THSD7B: variants seen among roughly 807,000 people sequenced by gnomAD.
THSD7B encodes the protein thrombospondin type 1 domain containing 7B, also known as thrombospondin type-1 domain-containing protein 7B.
A neutral mutation model predicts 213.6 loss-of-function variants in THSD7B; 138 were observed. The ratio of observed to expected loss-of-function variants is 0.65; its 90% CI spans 0.56 to 0.74. THSD7B has a LOEUF of 0.74. Among genes scored for constraint, THSD7B ranks in the 30% least tolerant of loss-of-function variants. THSD7B has a pLI of 0.00. For synonymous variants in THSD7B, 742 were observed against 687.0 expected (o/e 1.08, Z -1.25); for missense variants, 1,931 against 1,991.5 (o/e 0.97, Z 0.58).
At chr2:136,872,828 A>AAG (rs1553454576) in intron 1 of THSD7B, among the ~76,000 whole-genome samples, 11 of 147,472 alleles carry the variant, frequency 7.5e-5, no homozygotes, top group Admixed American at 5.4e-4. Flanking sequence ...AAAAAAAAAA[A>AAG]AAAAAAAAAA....
chr2:137,536,019 G>A (rs1013191043), intron 15 of THSD7B, among the ~76,000 whole-genome samples: 9 of 150,730 alleles, frequency 6.0e-5, no homozygotes, highest in South Asian at 4.2e-4. Flanking sequence ...GGACCTAACC[G>A]GCCATGAGTA....
intron 3 of THSD7B, among the ~76,000 whole-genome samples, chr2:137,092,199 A>AC (rs1351753201): frequency 1.3e-5 from 2 of 152,000 alleles, no homozygotes; most frequent in Non-Finnish European, 2.9e-5. Context: ...GATTGCTTGA[A>AC]CCCAGGAGCT....
At chr2:137,535,812 C>T (rs1441924129) in intron 15 of THSD7B, among the ~76,000 whole-genome samples, 1 of 151,412 alleles carries the variant, frequency 6.6e-6, no homozygotes, top group Non-Finnish European at 1.5e-5. Flanking sequence ...CGACATCAGA[C>T]ATCTTCAAGA....
chr2:137,355,041 C>A lies in THSD7B; in HGVS notation c.2501-50572C>A, dbSNP rs539919408. ...AATCAAAACAAAATGTAGTAAGCAT[C>A]CACCATGAGTATCTTTAATAGCTTT... On this transcript the variant is annotated intron_variant, in intron 12 of 27. Transcript: ENST00000409968. Among the ~76,000 whole-genome samples, 31 of 152,218 alleles carry A rather than the reference C, an allele frequency of 2.0e-4. 1 individual carries two copies. In the South Asian group the frequency reaches 6.2e-3, roughly 31 times the overall value.
intron 7 of THSD7B, among the ~76,000 whole-genome samples, chr2:137,174,778 T>A (rs1243680039): frequency 6.6e-6 from 1 of 152,218 alleles, no homozygotes; most frequent in African/African-American, 2.4e-5. Context: ...TTCTGTCCTC[T>A]GCACAATATC....
chr2:137,164,822 T>C (rs183490322), intron 6 of THSD7B, among the ~76,000 whole-genome samples: 10 of 152,132 alleles, frequency 6.6e-5, no homozygotes, highest in Admixed American at 2.0e-4. Context: ...TAGGTGGGAA[T>C]TGAACAATGA....
At chr2:137,055,509 C>T (rs1413007032) in intron 2 of THSD7B, among the ~76,000 whole-genome samples, 1 of 152,102 alleles carries the variant, frequency 6.6e-6, no homozygotes, top group East Asian at 1.9e-4. Flanking sequence ...TGAAAAGATA[C>T]CAACTTTCTG....
At chr2:137,061,509 GT>G (rs34766240) in intron 3 of THSD7B, among the ~76,000 whole-genome samples, 1 of 148,306 alleles carries the variant, frequency 6.7e-6, no homozygotes, top group Non-Finnish European at 1.5e-5. Context: ...TTTTGTAGGT[GT>G]TTTGATCAAG....
At chr2:137,369,357 T>C (rs965147654) in intron 12 of THSD7B, among the ~76,000 whole-genome samples, 1 of 152,180 alleles carries the variant, frequency 6.6e-6, no homozygotes, top group African/African-American at 2.4e-5. Flanking sequence ...CATTATTTGC[T>C]TTAGCAGGCA....
At chr2:136,834,293 ACACT>A (rs1682810008) in intron 1 of THSD7B, among the ~76,000 whole-genome samples, 2 of 152,216 alleles carry the variant, frequency 1.3e-5, no homozygotes, top group Non-Finnish European at 2.9e-5. Flanking sequence ...GCCATAGAAC[ACACT>A]CACAGCCACA....
Position 137,160,268 on chromosome 2 carries a change from G to A in THSD7B, c.1425G>A (p.Gln475=). 6.2e-7 allele frequency: 1 copy of A among 1,613,696 alleles called. No individual in the cohort carries two copies. Among genetic ancestry groups the A allele is most frequent in the Non-Finnish European group, 8.5e-7 (1 of 1,179,726 alleles). The change falls in exon 6 of 28, where the codon CAG becomes CAA. Residue 475 remains glutamine (Q), a synonymous_variant. Coordinates refer to ENST00000409968, the MANE Select transcript of THSD7B (RefSeq NM_001316349.2). ...TGGGACCCGCCCCGTTGCCCTCTCA[G>A]CTCTGCAATATCCCTTGCTCTACGG... ...LCVGPAPLPS[Q]LCNIPCSTDC... is the part of the protein sequence containing the mutation.
At chr2:137,029,754 C>A (rs1028362085) in intron 2 of THSD7B, among the ~76,000 whole-genome samples, 1 of 152,080 alleles carries the variant, frequency 6.6e-6, no homozygotes, top group Admixed American at 6.5e-5. Context: ...TGTTTATCTA[C>A]AAGAGAGGAG....
At chr2:136,877,247 C>A (rs1683539706) in intron 1 of THSD7B, among the ~76,000 whole-genome samples, 1 of 152,156 alleles carries the variant, frequency 6.6e-6, no homozygotes, top group South Asian at 2.1e-4. Flanking sequence ...TAGTAATTGC[C>A]TTAGAATAAA....
At chr2:136,876,455 C>G (rs1169692109) in intron 1 of THSD7B, among the ~76,000 whole-genome samples, 2 of 152,098 alleles carry the variant, frequency 1.3e-5, no homozygotes, top group African/African-American at 4.8e-5. Flanking sequence ...CTGTATTATG[C>G]AGAATTAACC....
At chr2:137,193,454 C>G (rs1050396292) in intron 7 of THSD7B, among the ~76,000 whole-genome samples, 1 of 152,116 alleles carries the variant, frequency 6.6e-6, no homozygotes, top group Non-Finnish European at 1.5e-5. Flanking sequence ...AATGTACTCT[C>G]TTAGCAATTT....
rs549776309 is a variant in THSD7B at position 137,039,058 on chromosome 2, G to T, written c.140-17362G>T. Among the ~76,000 whole-genome samples, 106 of 152,268 alleles carry T rather than the reference G, an allele frequency of 7.0e-4. 3 individuals are homozygous for T. In the Middle Eastern group the frequency reaches 0.048, roughly 69 times the overall value. On this transcript the variant is annotated intron_variant, in intron 2 of 27. Transcript: ENST00000409968. Reference sequence around the variant, plus strand: ...GAAGATGAATAAAAACAGAGGATGGGTAAAGCACACAGTTATGTAAACATT... The same window carrying T: ...GAAGATGAATAAAAACAGAGGATGGTTAAAGCACACAGTTATGTAAACATT...
chr2:137,284,524 C>G (rs1021508826), intron 12 of THSD7B, among the ~76,000 whole-genome samples: 1 of 152,066 alleles, frequency 6.6e-6, no homozygotes, highest in African/African-American at 2.4e-5. Context: ...CCTGCTTTCT[C>G]TTGTGGGCAT....
At chr2:137,189,409 C>T (rs889977523) in intron 7 of THSD7B, among the ~76,000 whole-genome samples, 2 of 152,182 alleles carry the variant, frequency 1.3e-5, no homozygotes, top group African/African-American at 4.8e-5. Context: ...TGCTTGTCCA[C>T]ATCCATTATG....
At chr2:137,149,451 G>A (rs1679770695) in intron 5 of THSD7B, among the ~76,000 whole-genome samples, 1 of 152,176 alleles carries the variant, frequency 6.6e-6, no homozygotes, top group African/African-American at 2.4e-5. Flanking sequence ...TCCACCAACA[G>A]CTTTTGCACT....
Sources: gnomAD v4.1 joint callset for allele counts (sites outside exome capture counted in the v4.1 genomes callset) on GRCh38, gnomAD v4.1.1 for gene constraint, MANE v1.5 for transcripts, NCBI Gene and HGNC (gene_info 2026-07-23, HGNC 2026-07-21) for gene names.